The following TEAD1 variants were observed in gnomAD, a reference collection of about 807,000 sequenced individuals.
TEAD1 encodes the protein transcriptional enhancer factor TEF-1.
Under a neutral mutation model 54.9 loss-of-function variants are expected in TEAD1, and 9 were observed. That is an observed-to-expected ratio of 0.16 (90% CI 0.10 to 0.29). The LOEUF (loss-of-function observed/expected upper bound fraction) is 0.29. Among genes scored for constraint, TEAD1 ranks in the 10% least tolerant of loss-of-function variants. TEAD1 has a pLI of 1.00. For synonymous variants in TEAD1, 200 were observed against 187.8 expected (o/e 1.07, Z -0.53); for missense variants, 387 against 535.9 (o/e 0.72, Z 2.74).
At chr11:12,934,114 C>T (rs898286223) in intron 12 of TEAD1, among the ~76,000 whole-genome samples, 1 of 152,148 alleles carries the variant, frequency 6.6e-6, no homozygotes, top group Admixed American at 6.5e-5. Flanking sequence ...ACTATTCACA[C>T]TAGCAAAGAC....
At chr11:12,884,054 A>C (rs528075478) in intron 9 of TEAD1, among the ~76,000 whole-genome samples, 134 of 151,782 alleles carry the variant, frequency 8.8e-4, no homozygotes, top group African/African-American at 3.0e-3. Flanking sequence ...CATAGAGTGC[A>C]GTGCATTATA....
intron 2 of TEAD1, among the ~76,000 whole-genome samples, chr11:12,762,310 A>G (rs1274423807): frequency 6.6e-6 from 1 of 152,194 alleles, no homozygotes; most frequent in Non-Finnish European, 1.5e-5. Context: ...TAATTTATCT[A>G]ATAAACTACT....
At chr11:12,703,379 T>G (rs913937512) in intron 2 of TEAD1, among the ~76,000 whole-genome samples, 4 of 152,182 alleles carry the variant, frequency 2.6e-5, no homozygotes, top group African/African-American at 9.7e-5. Context: ...GGAGATATTA[T>G]CATAACACTG....
intron 2 of TEAD1, among the ~76,000 whole-genome samples, chr11:12,699,360 G>A (rs529349384): frequency 6.3e-4 from 96 of 151,714 alleles, no homozygotes; most frequent in Middle Eastern, 3.4e-3. Flanking sequence ...TGTAGAAACC[G>A]CTTGTCTGGT....
intron 2 of TEAD1, among the ~76,000 whole-genome samples, chr11:12,750,439 T>A (rs1564927693): frequency 6.6e-6 from 1 of 152,230 alleles, no homozygotes; most frequent in Non-Finnish European, 1.5e-5. Context: ...TATTTCAGTT[T>A]ATCTAGAGAA....
chr11:12,812,111 C>T lies in TEAD1; in HGVS notation c.202+47677C>T, dbSNP rs928786672. 5.9e-5 allele frequency among the ~76,000 whole-genome samples: 9 copies of T among 152,118 alleles called. No individual in the cohort carries two copies. The East Asian group carries it at 1.2e-3, about 20-fold the overall frequency. On this transcript the variant is annotated intron_variant, in intron 3 of 12. Transcript: ENST00000527636. ...CACCATTCATAGCTAACCTCAGGGC[C>T]GGGGTGGTGCTCAGAAACACTGTCT...
intron 9 of TEAD1, among the ~76,000 whole-genome samples, chr11:12,897,776 T>C (rs1368767767): frequency 6.6e-6 from 1 of 152,264 alleles, no homozygotes; most frequent in African/African-American, 2.4e-5. Context: ...TTTAACTTCA[T>C]AGAAGTTTTA....
At chr11:12,883,957 T>G (rs1385108153) in intron 9 of TEAD1, among the ~76,000 whole-genome samples, 2 of 147,678 alleles carry the variant, frequency 1.4e-5, no homozygotes, top group Non-Finnish European at 1.5e-5. Context: ...ATCGCGCCAC[T>G]GCACTCCAGC....
intron 3 of TEAD1, among the ~76,000 whole-genome samples, chr11:12,795,826 A>G (rs996953245): frequency 2.0e-5 from 3 of 152,306 alleles, no homozygotes; most frequent in African/African-American, 7.2e-5. Context: ...ATTGCATATT[A>G]GATTGCTTGA....
rs1406458707 is a variant in TEAD1 at position 12,881,070 on chromosome 11, G to A, written c.512+19G>A. 1.9e-6 allele frequency: 3 copies of A among 1,613,838 alleles called. No individual in the cohort carries two copies. The highest frequency in any genetic ancestry group is 2.5e-6 in the Non-Finnish European group (3 of 1,179,946). ...CACAAGAGTAAGTCTGAGGAGGGGT[G>A]GGCACTGACAACTACGGGCTGGTCC... On this transcript the variant is annotated intron_variant, in intron 7 of 12. Transcript: ENST00000527636.
In TEAD1 at chr11:12,942,187, A is replaced by C. The variant is rs1205212084; in HGVS notation, c.*4965A>C. ...CTTTTAAATTCATGACCAAATACTT[A>C]GCTATTTGTGAATCTTCTGCACTCT... is the stretch of plus-strand genomic sequence containing the variant. On this transcript the variant is annotated 3_prime_UTR_variant, in exon 13 of 13. Transcript: ENST00000527636. The C allele has an allele frequency of 3.3e-5, 5 of 152,650 alleles. No individual in the cohort carries two copies. The highest frequency in any genetic ancestry group is 7.2e-5 in the African/African-American group (3 of 41,460). 9.5% of individuals were successfully genotyped at this position (152,650 alleles called of 1,614,324 possible). A position where few individuals can be genotyped will look rare whatever the true frequency, so the allele number is the denominator to read the frequency against.
intron 2 of TEAD1, among the ~76,000 whole-genome samples, chr11:12,734,655 A>T (rs947124808): frequency 5.3e-5 from 8 of 152,218 alleles, no homozygotes; most frequent in Non-Finnish European, 8.8e-5. Context: ...GTTTAGATAC[A>T]CAAATACTTA....
At chr11:12,717,236 TC>T (rs1234412630) in intron 2 of TEAD1, among the ~76,000 whole-genome samples, 1 of 152,232 alleles carries the variant, frequency 6.6e-6, no homozygotes, top group Non-Finnish European at 1.5e-5. Flanking sequence ...TATGCTACTT[TC>T]TGCCTACAGT....
chr11:12,693,067 T>C (rs902287779), intron 2 of TEAD1, among the ~76,000 whole-genome samples: 1 of 152,186 alleles, frequency 6.6e-6, no homozygotes, highest in East Asian at 1.9e-4. Flanking sequence ...AATCCATGAA[T>C]GAGGGAGGCT....
At chr11:12,698,078 T>G (rs1943624665) in intron 2 of TEAD1, among the ~76,000 whole-genome samples, 1 of 151,568 alleles carries the variant, frequency 6.6e-6, no homozygotes, top group African/African-American at 2.4e-5. Flanking sequence ...TAGACTTTTA[T>G]AAGTGTGTTT....
At chr11:12,682,106 G>C (rs532076898) in intron 2 of TEAD1, among the ~76,000 whole-genome samples, 87 of 152,340 alleles carry the variant, frequency 5.7e-4, no homozygotes, top group African/African-American at 2.0e-3. Flanking sequence ...CATTGATCTA[G>C]ATATTCTAAT....
chr11:12,780,712 G>A (rs1044964973), intron 3 of TEAD1, among the ~76,000 whole-genome samples: 3 of 152,090 alleles, frequency 2.0e-5, no homozygotes, highest in African/African-American at 4.8e-5. Flanking sequence ...TTAAATAACC[G>A]AATAAATTGG....
Position 12,823,929 on chromosome 11 carries a change from G to C in TEAD1, c.203-38321G>C, listed in dbSNP as rs577827121. On this transcript the variant is annotated intron_variant, in intron 3 of 12. Coordinates refer to ENST00000527636, the MANE Select transcript of TEAD1 (RefSeq NM_021961.6). ...AAAATGTGGTAGAATGTTCACAAAG[G>C]CTCACCTACCCTACCCCAGGGAGAC... 2.6e-5 allele frequency among the ~76,000 whole-genome samples: 4 copies of C among 152,166 alleles called. No individual in the cohort carries two copies. The East Asian group carries it at 7.7e-4, about 29-fold the overall frequency.
At position 12,937,304 on chromosome 11, in the gene TEAD1, G is replaced by A. The variant is rs1158878446; in HGVS notation, c.*82G>A. The A allele has an allele frequency of 5.9e-6, 7 of 1,196,098 alleles. No individual in the cohort carries two copies. The highest frequency in any genetic ancestry group is 2.6e-5 in the South Asian group (2 of 77,508). The allele number at this position is 1,196,098 out of a possible 1,614,324, so 74.1% of individuals were successfully genotyped here. A position where few individuals can be genotyped will look rare whatever the true frequency, so the allele number is the denominator to read the frequency against. Reference sequence around the variant, plus strand: ...ACACACTCTCTCTCCATTATCGAACGACTGACTGTAAACCTCACCACACAG... The same window carrying A: ...ACACACTCTCTCTCCATTATCGAACAACTGACTGTAAACCTCACCACACAG... On this transcript the variant is annotated 3_prime_UTR_variant, in exon 13 of 13. Transcript: ENST00000527636.
Sources: gnomAD v4.1 joint callset for allele counts (sites outside exome capture counted in the v4.1 genomes callset) on GRCh38, gnomAD v4.1.1 for gene constraint, MANE v1.5 for transcripts, NCBI Gene and HGNC (gene_info 2026-07-23, HGNC 2026-07-21) for gene names.